Variants in NUDC observed in about 807,000 individuals in gnomAD.
NUDC encodes nuclear migration protein nudC.
NUDC carries 14 observed loss-of-function variants against 45.0 expected under a neutral mutation model. That is an observed-to-expected ratio of 0.31 (90% CI 0.21 to 0.49). The LOEUF (loss-of-function observed/expected upper bound fraction) is 0.49, where lower values mean the gene tolerates loss of function less well. NUDC is among the 20% of genes least tolerant of loss of function. NUDC has a pLI of 0.99. For missense variants in NUDC, 323 were observed against 426.2 expected, an observed-to-expected ratio of 0.76 and a Z score of 2.13; for synonymous variants, 153 against 156.7, an observed-to-expected ratio of 0.98 and a Z score of 0.17.
At chr1:26,900,531 T>A in intron 1 of NUDC, 1 of 1,062,736 alleles carries the variant, frequency 9.4e-7, no homozygotes. Flanking sequence ...ATTGTGAAAA[T>A]TCTAACTAGT....
Position 26,941,561 on chromosome 1 carries a change from G to C in NUDC, c.264G>C (p.Ala88=), listed in dbSNP as rs142402287. 5.6e-6 allele frequency: 9 copies of C among 1,611,042 alleles called. No homozygotes were observed. The African/African-American group carries it at 1.2e-4, about 22-fold the overall frequency. The change falls in exon 3 of 9, where the codon GCG becomes GCC. Residue 88 remains alanine, a synonymous_variant. Coordinates refer to ENST00000321265, the MANE Select transcript of NUDC (RefSeq NM_006600.4). ...EAERREKAER[A]ARLAKEAKSE... The stretch of plus-strand genomic sequence containing the variant: ...AGCGGCGGGAGAAGGCGGAGCGGGC[G>C]GCCAGACTGGCCAAGGAAGCCAAGT...
chr1:26,904,126 A>G (rs1250439593), intron 2 of NUDC, among the ~76,000 whole-genome samples: 1 of 149,102 alleles, frequency 6.7e-6, no homozygotes, highest in Non-Finnish European at 1.5e-5. Flanking sequence ...GGACCATTAT[A>G]TCTAGGTTTA....
intron 2 of NUDC, among the ~76,000 whole-genome samples, chr1:26,910,657 G>A (rs948392810): frequency 6.6e-6 from 1 of 152,134 alleles, no homozygotes; most frequent in African/African-American, 2.4e-5. Context: ...GGGGGAGGCC[G>A]GAAAATCCTA....
chr1:26,927,148 A>G (rs550792063), intron 2 of NUDC, among the ~76,000 whole-genome samples: 26 of 148,850 alleles, frequency 1.7e-4, no homozygotes, highest in Middle Eastern at 3.4e-3. Context: ...CGCTTCAGAT[A>G]TGAAGGATGA....
chr1:26,904,931 G>C (rs2081996172), intron 2 of NUDC, among the ~76,000 whole-genome samples: 1 of 150,770 alleles, frequency 6.6e-6, no homozygotes, highest in African/African-American at 2.4e-5. Context: ...CCGCCTCCTG[G>C]GTTCAAGTGA....
chr1:26,927,543 G>A (rs1383300162), intron 2 of NUDC, among the ~76,000 whole-genome samples: 14 of 151,452 alleles, frequency 9.2e-5, no homozygotes, highest in Admixed American at 6.0e-4. Context: ...GATTACAGGC[G>A]CCCGCCCCTA....
At chr1:26,927,204 GGGTCTTGCTC>G (rs1557673506) in intron 2 of NUDC, among the ~76,000 whole-genome samples, 1 of 136,250 alleles carries the variant, frequency 7.3e-6, no homozygotes, top group African/African-American at 2.9e-5. Context: ...GTGTGTGTCA[GGGTCTTGCTC>G]TGTTGTCCCA....
Position 26,921,748 on chromosome 1 carries a change from A to G in NUDC, c.-101A>G. The G allele has an allele frequency of 3.1e-6, 4 of 1,283,122 alleles. No homozygotes were observed. Among genetic ancestry groups the G allele is most frequent in the African/African-American group, 3.0e-5 (2 of 67,520 alleles). The allele number at this position is 1,283,122 out of a possible 1,614,324, so 79.5% of individuals were successfully genotyped here. ...TGCGTGTTTCCGGCTCCGCTGCGGA[A>G]GGCGGACGACTAGAGTCGTTGGGCC... On this transcript the variant is annotated 5_prime_UTR_variant, in exon 1 of 9. Coordinates refer to ENST00000321265, the MANE Select transcript of NUDC (RefSeq NM_006600.4).
chr1:26,940,739 G>A (rs1489990738), intron 2 of NUDC, among the ~76,000 whole-genome samples: 1 of 152,132 alleles, frequency 6.6e-6, no homozygotes, highest in Non-Finnish European at 1.5e-5. Context: ...ATGCTGGAGT[G>A]CAGTGGCCTG....
intron 2 of NUDC, among the ~76,000 whole-genome samples, chr1:26,929,443 A>G (rs141691408): frequency 2.6e-3 from 389 of 152,136 alleles, no homozygotes; most frequent in African/African-American, 8.6e-3. Flanking sequence ...AAAAAATATA[A>G]TCTAATTACT....
At chr1:26,911,597 A>G in intron 3 of NUDC, 1 of 537,316 alleles carries the variant, frequency 1.9e-6, no homozygotes, top group Non-Finnish European at 3.4e-6. Context: ...TCATCCCAAG[A>G]AGGGACAGGA....
At chr1:26,901,552 G>A (rs1428145344) in intron 1 of NUDC, among the ~76,000 whole-genome samples, 3 of 151,418 alleles carry the variant, frequency 2.0e-5, no homozygotes, top group Admixed American at 6.6e-5. Context: ...CTACAGGTGC[G>A]TGCCACCACG....
At chr1:26,944,759 C>T (rs922571107) in intron 6 of NUDC, among the ~76,000 whole-genome samples, 1 of 151,646 alleles carries the variant, frequency 6.6e-6, no homozygotes, top group African/African-American at 2.4e-5. Flanking sequence ...CTGACTGCAC[C>T]ACTGCACATG....
chr1:26,908,780 C>T (rs190948383), intron 2 of NUDC, among the ~76,000 whole-genome samples: 13 of 152,178 alleles, frequency 8.5e-5, no homozygotes, highest in South Asian at 2.1e-4. Flanking sequence ...CTCACTTTGT[C>T]GCCCAGGCTG....
intron 2 of NUDC, among the ~76,000 whole-genome samples, chr1:26,907,463 A>G (rs1557664877): frequency 6.6e-6 from 1 of 152,208 alleles, no homozygotes; most frequent in Admixed American, 6.6e-5. Flanking sequence ...GGGTTGGTAC[A>G]AATGGAGGTT....
In NUDC at chr1:26,942,651, T is replaced by A. The variant is rs1233039883; in HGVS notation, c.430-9T>A. On this transcript the variant is annotated splice_polypyrimidine_tract_variant and intron_variant, in intron 4 of 8. Coordinates refer to ENST00000321265, the MANE Select transcript of NUDC (RefSeq NM_006600.4). ...AAGTAAGTAGCTGAGTGTCCCTGAT[T>A]GTAAGCAGGATACTGAGGAAGATGA... The A allele has an allele frequency of 6.2e-7, 1 of 1,613,904 alleles. No individual in the cohort carries two copies. The highest frequency in any genetic ancestry group is 8.5e-7 in the Non-Finnish European group (1 of 1,179,994).
chr1:26,901,397 C>CTTTTTTTTTTTT (rs34988488), intron 1 of NUDC, among the ~76,000 whole-genome samples: 2 of 73,622 alleles, frequency 2.7e-5, no homozygotes, highest in African/African-American at 5.7e-5. Flanking sequence ...GCCTTTTTGT[C>CTTTTTTTTTTTT]TTTTTTTTTT....
intron 3 of NUDC, chr1:26,911,749 C>G (rs191837512): frequency 5.5e-6 from 8 of 1,455,472 alleles, no homozygotes; most frequent in Middle Eastern, 3.5e-4. Context: ...TACAGGCTTG[C>G]CCCCTCCAGG....
At position 26,921,771 on chromosome 1, in the gene NUDC, G is replaced by A. The variant is rs896039068; in HGVS notation, c.-78G>A. 8 of 1,470,650 alleles carry A rather than the reference G, an allele frequency of 5.4e-6. No homozygotes were observed. The South Asian group carries it at 8.5e-5, about 16-fold the overall frequency. 91.1% of individuals were successfully genotyped at this position (1,470,650 alleles called of 1,614,324 possible). A position where few individuals can be genotyped will look rare whatever the true frequency, so the allele number is the denominator to read the frequency against. ...GAAGGCGGACGACTAGAGTCGTTGGGCCCGGCGCGACCCGCAGGAGCGTAG... is the reference window on the plus strand; with the variant it reads ...GAAGGCGGACGACTAGAGTCGTTGGACCCGGCGCGACCCGCAGGAGCGTAG... On this transcript the variant is annotated 5_prime_UTR_variant, in exon 1 of 9. Coordinates refer to ENST00000321265, the MANE Select transcript of NUDC (RefSeq NM_006600.4).
Sources: gnomAD v4.1 joint callset for allele counts (sites outside exome capture counted in the v4.1 genomes callset) on GRCh38, gnomAD v4.1.1 for gene constraint, MANE v1.5 for transcripts, NCBI Gene and HGNC (gene_info 2026-07-23, HGNC 2026-07-21) for gene names.